Variants in WWOX observed in about 807,000 individuals in gnomAD.
WWOX encodes the protein WW domain-containing oxidoreductase.
WWOX carries 69 observed loss-of-function variants against 46.2 expected under a neutral mutation model. The ratio of observed to expected loss-of-function variants is 1.49; its 90% confidence interval spans 1.23 to 1.82. WWOX has a LOEUF of 1.82. Ranked by LOEUF, WWOX falls within the 40% of genes most tolerant of loss-of-function variation. The pLI is 0.00. For missense variants in WWOX, 919 were observed against 542.6 expected, an observed-to-expected ratio of 1.69 and a Z score of -6.89; for synonymous variants, 359 against 202.6, an observed-to-expected ratio of 1.77 and a Z score of -6.56.
chr16:78,828,606 C>A (rs1567588840), intron 8 of WWOX, among the ~76,000 whole-genome samples: 1 of 152,042 alleles, frequency 6.6e-6, no homozygotes, highest in East Asian at 1.9e-4. Context: ...CTATCGGACA[C>A]ATGTCCTAAT....
At chr16:78,415,871 G>T (rs60231039) in intron 6 of WWOX, among the ~76,000 whole-genome samples, 13,398 of 152,132 alleles carry the variant, frequency 0.088, 900 homozygotes, top group African/African-American at 0.18. Context: ...GGCCCAGAAG[G>T]AATGCATTGG....
intron 8 of WWOX, among the ~76,000 whole-genome samples, chr16:78,609,172 A>G (rs1381703413): frequency 6.6e-6 from 1 of 152,154 alleles, no homozygotes; most frequent in African/African-American, 2.4e-5. Context: ...CCTTTCTCTA[A>G]AATATATTTG....
chr16:78,619,770 A>T (rs1191508027), intron 8 of WWOX, among the ~76,000 whole-genome samples: 3 of 151,892 alleles, frequency 2.0e-5, no homozygotes, highest in Non-Finnish European at 4.4e-5. Context: ...AAAATGAGAC[A>T]TGGGGGTGCA....
chr16:78,367,097 A>T (rs1174435682), intron 5 of WWOX, among the ~76,000 whole-genome samples: 1 of 149,154 alleles, frequency 6.7e-6, no homozygotes, highest in Admixed American at 6.9e-5. Flanking sequence ...CTCCTGCCTC[A>T]GCCTCCTAAG....
Position 78,558,681 on chromosome 16 carries a change from C to T in WWOX, c.1056+125929C>T, listed in dbSNP as rs568673752. Among the ~76,000 whole-genome samples, 37 of 152,344 alleles carry T rather than the reference C, an allele frequency of 2.4e-4. 1 individual carries two copies. In the South Asian group the frequency reaches 6.6e-3, roughly 27 times the overall value. On this transcript the variant is annotated intron_variant, in intron 8 of 8. Transcript: ENST00000566780. ...TTCTCATAGGTCTCCCTGATTCCAG[C>T]CTCCAATTCACTGAGCTGGCCTCTG...
chr16:78,936,571 G>A (rs559625922), intron 8 of WWOX, among the ~76,000 whole-genome samples: 1 of 152,244 alleles, frequency 6.6e-6, no homozygotes, highest in Admixed American at 6.5e-5. Context: ...CAGAATTCCA[G>A]GACGTCTCAA....
intron 8 of WWOX, among the ~76,000 whole-genome samples, chr16:78,611,494 C>A (rs1420986999): frequency 6.6e-6 from 1 of 152,182 alleles, no homozygotes; most frequent in Non-Finnish European, 1.5e-5. Context: ...GGAGGCCTCC[C>A]TGCCCTCCTC....
chr16:78,779,201 G>GT (rs1269064391), intron 8 of WWOX, among the ~76,000 whole-genome samples: 1 of 152,184 alleles, frequency 6.6e-6, no homozygotes, highest in Non-Finnish European at 1.5e-5. Context: ...CTGGAGTGCA[G>GT]TGGCATGATC....
At chr16:78,679,832 A>G (rs755025002) in intron 8 of WWOX, among the ~76,000 whole-genome samples, 1 of 152,220 alleles carries the variant, frequency 6.6e-6, no homozygotes, top group African/African-American at 2.4e-5. Flanking sequence ...CTCAGAGTCA[A>G]CTGTTTTAGG....
intron 8 of WWOX, among the ~76,000 whole-genome samples, chr16:78,739,123 G>A (rs1227357513): frequency 2.0e-5 from 3 of 152,120 alleles, no homozygotes; most frequent in Non-Finnish European, 4.4e-5. Context: ...CTTGCAGCAG[G>A]CCAGTGGTAA....
At chr16:78,968,833 C>G (rs548622796) in intron 8 of WWOX, among the ~76,000 whole-genome samples, 140 of 152,034 alleles carry the variant, frequency 9.2e-4, no homozygotes, top group Non-Finnish European at 1.7e-3. Flanking sequence ...GGATCCGAGC[C>G]ATTTGCAAAG....
At chr16:79,091,775 CTTTGTTTTTTTT>C (rs2048965391) in intron 8 of WWOX, among the ~76,000 whole-genome samples, 1 of 126,854 alleles carries the variant, frequency 7.9e-6, no homozygotes, top group Non-Finnish European at 1.6e-5. Context: ...CTTTTCTTTT[CTTTGTTTTTTTT>C]TTTTTTTTTT....
intron 8 of WWOX, among the ~76,000 whole-genome samples, chr16:78,748,360 T>C (rs1250092307): frequency 6.6e-6 from 1 of 152,226 alleles, no homozygotes; most frequent in East Asian, 1.9e-4. Context: ...GCTTCACTTT[T>C]TATGGAAAGT....
chr16:78,529,327 A>C (rs1301835099), intron 8 of WWOX, among the ~76,000 whole-genome samples: 1 of 152,200 alleles, frequency 6.6e-6, no homozygotes, highest in African/African-American at 2.4e-5. Context: ...ATGCATTCTC[A>C]CATAACCTCA....
intron 8 of WWOX, among the ~76,000 whole-genome samples, chr16:78,838,076 T>C (rs901875255): frequency 6.6e-6 from 1 of 152,190 alleles, no homozygotes; most frequent in African/African-American, 2.4e-5. Flanking sequence ...GCTGTGTGCC[T>C]TCTGCTTTGT....
intron 8 of WWOX, among the ~76,000 whole-genome samples, chr16:79,164,521 C>T (rs1039441893): frequency 2.0e-5 from 3 of 152,122 alleles, no homozygotes; most frequent in East Asian, 1.9e-4. Context: ...GGCATCAGCG[C>T]TGTTATCAGG....
At position 78,633,625 on chromosome 16, in the gene WWOX, T is replaced by G. The variant is rs1304886383; in HGVS notation, c.1056+200873T>G. ...TGCCACTACAAAGGTCTCCTCCTTT[T>G]CATAAACATTGCTGCAAGGCCCGCT... On this transcript the variant is annotated intron_variant, in intron 8 of 8. Transcript: ENST00000566780. Among the ~76,000 whole-genome samples, 3 of 152,166 alleles carry G rather than the reference T, an allele frequency of 2.0e-5. No individual in the cohort carries two copies. The South Asian group carries it at 6.2e-4, about 32-fold the overall frequency.
intron 8 of WWOX, among the ~76,000 whole-genome samples, chr16:78,708,165 A>G (rs2048364184): frequency 6.6e-6 from 1 of 152,150 alleles, no homozygotes. Flanking sequence ...CATTCCAGCC[A>G]GAGTGGTAGA....
chr16:78,283,971 A>G lies in WWOX; in HGVS notation c.517-102889A>G, dbSNP rs2079727352. 2.0e-5 allele frequency among the ~76,000 whole-genome samples: 3 copies of G among 152,242 alleles called. No homozygotes were observed. In the South Asian group the frequency reaches 6.2e-4, roughly 32 times the overall value. ...CCTCTGAAGGGTACAGTAACCCATT[A>G]ATATCACGTCATGATGAATTATCAC... is the stretch of plus-strand genomic sequence containing the variant. On this transcript the variant is annotated intron_variant, in intron 5 of 8. Transcript: ENST00000566780.
Sources: gnomAD v4.1 joint callset for allele counts (sites outside exome capture counted in the v4.1 genomes callset) on GRCh38, gnomAD v4.1.1 for gene constraint, MANE v1.5 for transcripts, NCBI Gene and HGNC (gene_info 2026-07-23, HGNC 2026-07-21) for gene names.